Variants in KDM7A observed in about 807,000 individuals in gnomAD.
The protein encoded by KDM7A is lysine-specific demethylase 7A.
Under a neutral mutation model 114.8 loss-of-function variants are expected in KDM7A, and 28 were observed. The ratio of observed to expected loss-of-function variants is 0.24; its 90% CI spans 0.18 to 0.33. KDM7A has a LOEUF of 0.33. Ranked by LOEUF, KDM7A falls within the 10% of genes least tolerant of loss-of-function variation. The pLI, the probability that KDM7A is intolerant of heterozygous loss-of-function variation, is 1.00. For missense variants in KDM7A, 942 were observed against 1,142.5 expected (o/e 0.82, Z 2.53); for synonymous variants, 423 against 397.8 (o/e 1.06, Z -0.75).
chr7:140,176,926 C>G lies in KDM7A; in HGVS notation c.12G>C (p.Ala4=). 1 of 1,161,448 alleles carries G rather than the reference C, an allele frequency of 8.6e-7. No homozygotes were observed. The highest frequency in any genetic ancestry group is 1.1e-6 in the Non-Finnish European group (1 of 937,448). The allele number at this position is 1,161,448 out of a possible 1,614,324, so 71.9% of individuals were successfully genotyped here. A position where few individuals can be genotyped will look rare whatever the true frequency, so the allele number is the denominator to read the frequency against. MAG[A]AAAVAAGAAA... is the part of the protein sequence containing the mutation. ...CTGCTCCCGCGGCCACCGCCGCCGC[C>G]GCTCCGGCCATCTTTAAAAAACACA... is the stretch of plus-strand genomic sequence containing the variant. The change falls in exon 1 of 20, where the codon GCG becomes GCC. Residue 4 remains alanine, a synonymous_variant. Transcript: ENST00000397560. This position sits in a 1 kb window ranked among gnomAD's most constrained non-coding sequence, Gnocchi z 4.4.
rs183228392 is a variant in KDM7A at position 140,084,954 on chromosome 7, A to G, written c.*6140T>C. 6.6e-6 allele frequency: 1 copy of G among 152,360 alleles called. No homozygotes were observed. The highest frequency in any genetic ancestry group is 2.4e-5 in the African/African-American group (1 of 41,584). The allele number at this position is 152,360 out of a possible 1,614,324, so 9.4% of individuals were successfully genotyped here. ...TTAAACAAGTCACTTGTCCTCCCCT[A>G]TAATAATCAATGTAAGCTACTTAAA... On this transcript the variant is annotated 3_prime_UTR_variant, in exon 20 of 20. Coordinates refer to ENST00000397560, the MANE Select transcript of KDM7A (RefSeq NM_030647.2).
At chr7:140,126,230 G>C (rs1402291311) in intron 6 of KDM7A, among the ~76,000 whole-genome samples, 2 of 152,094 alleles carry the variant, frequency 1.3e-5, no homozygotes, top group African/African-American at 4.8e-5. Context: ...TATTTTTATA[G>C]GCATTCCTGA....
At chr7:140,100,829 C>T (rs1220843850) in intron 12 of KDM7A, among the ~76,000 whole-genome samples, 3 of 149,900 alleles carry the variant, frequency 2.0e-5, no homozygotes, top group Non-Finnish European at 4.4e-5. Context: ...GGCATGATCT[C>T]GGCTCACTGC....
chr7:140,109,556 A>G (rs1818399669), intron 11 of KDM7A, among the ~76,000 whole-genome samples: 1 of 152,228 alleles, frequency 6.6e-6, no homozygotes, highest in Non-Finnish European at 1.5e-5. Flanking sequence ...GTGTACAAAT[A>G]CCTGTTTGAG....
At chr7:140,095,898 A>C (rs1484278427) in intron 17 of KDM7A, among the ~76,000 whole-genome samples, 1 of 152,080 alleles carries the variant, frequency 6.6e-6, no homozygotes, top group Non-Finnish European at 1.5e-5. Context: ...ATAAATAAAT[A>C]ATAAAAAAAA....
rs1214147610 is a variant in KDM7A at position 140,086,269 on chromosome 7, T to C, written c.*4825A>G. On this transcript the variant is annotated 3_prime_UTR_variant, in exon 20 of 20. Coordinates refer to ENST00000397560, the MANE Select transcript of KDM7A (RefSeq NM_030647.2). ...CACTGAATACAGTTTCGAAAGGTTTTAACAACAAAATGTAATGTTATACTT... is the reference window on the plus strand; with the variant it reads ...CACTGAATACAGTTTCGAAAGGTTTCAACAACAAAATGTAATGTTATACTT... 2 of 152,202 alleles carry C rather than the reference T, an allele frequency of 1.3e-5. No homozygotes were observed. Among genetic ancestry groups the C allele is most frequent in the African/African-American group, 2.4e-5 (1 of 41,438 alleles). The allele number at this position is 152,202 out of a possible 1,614,324, so 9.4% of individuals were successfully genotyped here.
At chr7:140,161,982 A>G (rs1794524642) in intron 1 of KDM7A, among the ~76,000 whole-genome samples, 1 of 152,200 alleles carries the variant, frequency 6.6e-6, no homozygotes, top group African/African-American at 2.4e-5. Flanking sequence ...CTACAATGGT[A>G]TAAGTTCCCC....
chr7:140,164,439 A>G (rs1794552986), intron 1 of KDM7A, among the ~76,000 whole-genome samples: 1 of 152,046 alleles, frequency 6.6e-6, no homozygotes, highest in African/African-American at 2.4e-5. Flanking sequence ...CCACTCTGCC[A>G]CTCCCAAATC....
intron 1 of KDM7A, among the ~76,000 whole-genome samples, chr7:140,142,733 C>T (rs1185018903): frequency 1.3e-5 from 2 of 152,060 alleles, no homozygotes; most frequent in African/African-American, 4.8e-5. Flanking sequence ...TACTCAATGA[C>T]CAAGCAAATC....
intron 7 of KDM7A, among the ~76,000 whole-genome samples, chr7:140,121,133 G>A (rs1818612226): frequency 6.6e-6 from 1 of 152,076 alleles, no homozygotes; most frequent in Admixed American, 6.5e-5. Context: ...CTCTGTAGAA[G>A]GAAAAGGTAG....
intron 1 of KDM7A, among the ~76,000 whole-genome samples, chr7:140,155,804 G>A (rs749377085): frequency 6.6e-6 from 1 of 152,164 alleles, no homozygotes; most frequent in Non-Finnish European, 1.5e-5. Context: ...AAAATTATAT[G>A]CCAACTATTT....
intron 1 of KDM7A, among the ~76,000 whole-genome samples, chr7:140,146,776 T>C (rs569194925): frequency 1.3e-5 from 2 of 152,336 alleles, no homozygotes; most frequent in African/African-American, 4.8e-5. Flanking sequence ...ATTGTCTTAA[T>C]CTTCTGAAAT....
At chr7:140,146,247 T>C (rs1585160381) in intron 1 of KDM7A, among the ~76,000 whole-genome samples, 1 of 152,158 alleles carries the variant, frequency 6.6e-6, no homozygotes, top group African/African-American at 2.4e-5. Flanking sequence ...AAAATAAAAT[T>C]AAACACAAAA....
chr7:140,175,308 A>T (rs1794690173), intron 1 of KDM7A, among the ~76,000 whole-genome samples: 1 of 152,202 alleles, frequency 6.6e-6, no homozygotes, highest in African/African-American at 2.4e-5. Context: ...CTCTCCCTGG[A>T]CCAGTAGAGG....
At chr7:140,163,197 T>G (rs1794539546) in intron 1 of KDM7A, among the ~76,000 whole-genome samples, 1 of 152,056 alleles carries the variant, frequency 6.6e-6, no homozygotes, top group Non-Finnish European at 1.5e-5. Context: ...GGTTTCACCG[T>G]GTTAGCCAGA....
At position 140,113,900 on chromosome 7, in the gene KDM7A, C is replaced by A. The variant is rs1585145850; in HGVS notation, c.1247-318G>T. On this transcript the variant is annotated intron_variant, in intron 9 of 19. Coordinates refer to ENST00000397560, the MANE Select transcript of KDM7A (RefSeq NM_030647.2). ...GCTTCAAGCAGTCCTCCAGCCCTGG[C>A]CTTCCAAAGTGCTGGGATTATAGGC... 2.0e-5 allele frequency among the ~76,000 whole-genome samples: 3 copies of A among 152,226 alleles called. No homozygotes were observed. The South Asian group carries it at 6.2e-4, about 32-fold the overall frequency.
intron 1 of KDM7A, among the ~76,000 whole-genome samples, chr7:140,146,420 C>A (rs932916407): frequency 2.0e-5 from 3 of 152,104 alleles, no homozygotes; most frequent in Non-Finnish European, 4.4e-5. Flanking sequence ...TAAAAAATTG[C>A]TAGAATCATG....
rs1272837844 is a variant in KDM7A at position 140,092,096 on chromosome 7, C to A, written c.2458-19G>T. On this transcript the variant is annotated intron_variant, in intron 18 of 19. Coordinates refer to ENST00000397560, the MANE Select transcript of KDM7A (RefSeq NM_030647.2). Reference sequence around the variant, plus strand: ...TTAGATCCTGAAGGAGGAGGAAGGACATGAGGCTGAATTTTTAGGGTTTAA... The same window carrying A: ...TTAGATCCTGAAGGAGGAGGAAGGAAATGAGGCTGAATTTTTAGGGTTTAA... 1.9e-6 allele frequency: 3 copies of A among 1,612,732 alleles called. No homozygotes were observed. In the South Asian group the frequency reaches 3.3e-5, roughly 18 times the overall value.
Position 140,088,607 on chromosome 7 carries a change from T to G in KDM7A, c.*2487A>C. ...ATGGCCAGTAATGTTATAAGACGTTTGACCAGGAGTCACTGGATCAGTGGC... is the reference window on the plus strand; with the variant it reads ...ATGGCCAGTAATGTTATAAGACGTTGGACCAGGAGTCACTGGATCAGTGGC... On this transcript the variant is annotated 3_prime_UTR_variant, in exon 20 of 20. Coordinates refer to ENST00000397560, the MANE Select transcript of KDM7A (RefSeq NM_030647.2). The G allele has an allele frequency of 5.0e-6, 2 of 397,680 alleles. No homozygotes were observed. Among genetic ancestry groups the G allele is most frequent in the Non-Finnish European group, 8.9e-6 (2 of 225,366 alleles). 24.6% of individuals were successfully genotyped at this position (397,680 alleles called of 1,614,324 possible). A position where few individuals can be genotyped will look rare whatever the true frequency, so the allele number is the denominator to read the frequency against.
Sources: allele counts gnomAD v4.1 joint callset (sites outside exome capture counted in the v4.1 genomes callset), GRCh38; gene constraint gnomAD v4.1.1; non-coding constraint Gnocchi (gnomAD v3.1); transcripts MANE v1.5; gene names NCBI Gene and HGNC (gene_info 2026-07-23, HGNC 2026-07-21).